Variants in WNT8A observed in about 807,000 individuals in gnomAD.
The protein encoded by WNT8A is Wnt family member 8A.
In WNT8A, 14 loss-of-function variants were observed where a neutral mutation model predicts 20.5. The observed-to-expected ratio is 0.68, with a 90% CI of 0.45 to 1.07. WNT8A has a LOEUF of 1.07. Among genes scored for constraint, WNT8A ranks in the 50% least tolerant of loss-of-function variants. WNT8A has a pLI of 0.00. For missense variants in WNT8A, 397 were observed against 462.9 expected (o/e 0.86, Z 1.31); for synonymous variants, 167 against 169.2 (o/e 0.99, Z 0.10).
Position 138,084,215 on chromosome 5 carries a change from A to C in WNT8A, c.88A>C (p.Ile30Leu). ...CQGGPHCLIP[I>L]HLCLTFSLFG... ...AGGAGGCCCCCATTGTCTCATCCCC[A>C]TTCACCTCTGCCTCACTTTTTCTCT... is the stretch of plus-strand genomic sequence containing the variant. The change falls in exon 1 of 5, where the codon ATT (isoleucine) becomes CTT (leucine). Residue 30 changes from isoleucine to leucine, a missense_variant. Coordinates refer to ENST00000506684, the MANE Select transcript of WNT8A (RefSeq NM_001300939.2). The C allele has an allele frequency of 6.2e-7, 1 of 1,614,024 alleles. No homozygotes were observed. The highest frequency in any genetic ancestry group is 2.2e-5 in the East Asian group (1 of 44,880).
At chr5:138,083,054 G>A (rs1169483448), upstream of WNT8A, among the ~76,000 whole-genome samples, 1 of 152,002 alleles carries the variant, frequency 6.6e-6, no homozygotes, top group Non-Finnish European at 1.5e-5. Flanking sequence ...GGCCAAGGTG[G>A]GCAGATCACT....
upstream of WNT8A, among the ~76,000 whole-genome samples, chr5:138,081,212 C>A (rs1337317586): frequency 8.9e-6 from 1 of 112,732 alleles, no homozygotes. Context: ...GGCGACAGAG[C>A]GAGACTCTGT....
At chr5:138,087,991 A>C (rs1750727608) in intron 3 of WNT8A, 60 bp downstream of exon 3, 1 of 1,598,310 alleles carries the variant, frequency 6.3e-7, no homozygotes, top group Non-Finnish European at 8.5e-7. Flanking sequence ...CTGAGTGCAG[A>C]CTAAAGTCTT....
upstream of WNT8A, among the ~76,000 whole-genome samples, chr5:138,083,384 T>G (rs1404159741): frequency 6.6e-6 from 1 of 152,114 alleles, no homozygotes; most frequent in Non-Finnish European, 1.5e-5. Flanking sequence ...TAACTGGAGT[T>G]GTAACCCTCA....
chr5:138,077,957 G>A, the WNT8A span, among the ~76,000 whole-genome samples: 1 of 152,080 alleles, frequency 6.6e-6, no homozygotes, highest in Non-Finnish European at 1.5e-5. Context: ...GTCCTCACAG[G>A]CCCATGCATC....
chr5:138,091,348 G>C lies in WNT8A; in HGVS notation c.*275G>C. 6.9e-7 allele frequency: 1 copy of C among 1,443,502 alleles called. No homozygotes were observed. The highest frequency in any genetic ancestry group is 9.2e-7 in the Non-Finnish European group (1 of 1,082,014). 89.4% of individuals were successfully genotyped at this position (1,443,502 alleles called of 1,614,324 possible). ...CCATCTTTGTGCCTGTACTTATGCAGCTTTCTACAGGGAGAGTTTGGTTTG... is the reference window on the plus strand; with the variant it reads ...CCATCTTTGTGCCTGTACTTATGCACCTTTCTACAGGGAGAGTTTGGTTTG... On this transcript the variant is annotated 3_prime_UTR_variant, in exon 5 of 5. Coordinates refer to ENST00000506684, the MANE Select transcript of WNT8A (RefSeq NM_001300939.2).
chr5:138,091,841 A>AG (rs1750867260), downstream of WNT8A, among the ~76,000 whole-genome samples: 6 of 42,904 alleles, frequency 1.4e-4, no homozygotes, highest in Non-Finnish European at 1.8e-4. Context: ...ATAAATAAAT[A>AG]AATAAATAAA....
At chr5:138,085,939 T>C (rs1750648587) in intron 2 of WNT8A, among the ~76,000 whole-genome samples, 1 of 147,460 alleles carries the variant, frequency 6.8e-6, no homozygotes, top group African/African-American at 2.5e-5. Flanking sequence ...TATGTAGAAA[T>C]AAAATGTGAC....
chr5:138,080,444 G>GTTTTTTTTTTTTTTTT (rs371833243), upstream of WNT8A, among the ~76,000 whole-genome samples: 3 of 55,974 alleles, frequency 5.4e-5, no homozygotes, highest in Non-Finnish European at 9.7e-5. Flanking sequence ...TGTAAATCTT[G>GTTTTTTTTTTTTTTTT]TTTTTTTTTT....
Position 138,091,164 on chromosome 5 carries a change from A to G in WNT8A, c.*91A>G. On this transcript the variant is annotated 3_prime_UTR_variant, in exon 5 of 5. Coordinates refer to ENST00000506684, the MANE Select transcript of WNT8A (RefSeq NM_001300939.2). ...AGAGAACAGATTGGAAAGCAATCGG[A>G]AAATTGCAGTTTTGGTCTGTAGTCC... 6.5e-7 allele frequency: 1 copy of G among 1,540,644 alleles called. No homozygotes were observed. Among genetic ancestry groups the G allele is most frequent in the Non-Finnish European group, 8.7e-7 (1 of 1,152,972 alleles).
Position 138,091,027 on chromosome 5 carries a change from C to T in WNT8A, c.1064C>T (p.Ala355Val). The T allele has an allele frequency of 1.9e-6, 3 of 1,613,936 alleles. No individual in the cohort carries two copies. Among genetic ancestry groups the T allele is most frequent in the Non-Finnish European group, 1.7e-6 (2 of 1,179,944 alleles). ...CRHVVSKYYCARSPGSAQSLG... is the reference protein window; with the variant it reads ...CRHVVSKYYCVRSPGSAQSLG... ...CATGTGGTGAGCAAGTATTACTGCG[C>T]ACGCTCCCCAGGCAGTGCCCAGTCC... Residue 355 changes from alanine (A) to valine (V), a missense_variant, in exon 5 of 5, where the codon GCA becomes GTA. Transcript: ENST00000506684.
chr5:138,080,618 A>T (rs1456998647), upstream of WNT8A, among the ~76,000 whole-genome samples: 2 of 151,002 alleles, frequency 1.3e-5, no homozygotes, highest in Non-Finnish European at 3.0e-5. Flanking sequence ...CTTTTTTTTT[A>T]GAGACAGGGT....
chr5:138,089,632 G>T (rs561352901), intron 4 of WNT8A, among the ~76,000 whole-genome samples: 2 of 152,268 alleles, frequency 1.3e-5, no homozygotes, highest in Non-Finnish European at 2.9e-5. Context: ...AGATATCCTG[G>T]TTGCCCAGGG....
chr5:138,091,925 C>T (rs1182034488), downstream of WNT8A, among the ~76,000 whole-genome samples: 2 of 89,908 alleles, frequency 2.2e-5, no homozygotes, highest in Admixed American at 1.2e-4. Flanking sequence ...CTGGGGAAAC[C>T]AGCACCCAGT....
chr5:138,084,480 C>G lies in WNT8A; in HGVS notation c.157-18C>G, dbSNP rs760448176. On this transcript the variant is annotated intron_variant, in intron 1 of 4. Coordinates refer to ENST00000506684, the MANE Select transcript of WNT8A (RefSeq NM_001300939.2). ...ACCCATACCGGGCAGAAGCTCACAG[C>G]CCTTTTCCCTTTGCCAGGCCTATCT... 1 of 1,588,392 alleles carries G rather than the reference C, an allele frequency of 6.3e-7. No individual in the cohort carries two copies. The highest frequency in any genetic ancestry group is 1.1e-5 in the South Asian group (1 of 86,974).
intron 3 of WNT8A, among the ~76,000 whole-genome samples, chr5:138,088,482 G>A (rs1175563204): frequency 4.6e-5 from 7 of 151,066 alleles, no homozygotes; most frequent in African/African-American, 1.2e-4. Flanking sequence ...TCAGCCTCCC[G>A]AGTAGCTGGG....
At position 138,090,917 on chromosome 5, in the gene WNT8A, G is replaced by T. The variant is rs765965616; in HGVS notation, c.954G>T (p.Gln318His). 5 of 1,614,114 alleles carry T rather than the reference G, an allele frequency of 3.1e-6. No individual in the cohort carries two copies. The highest frequency in any genetic ancestry group is 4.2e-6 in the Non-Finnish European group (5 of 1,180,040). ...GCCTGTGCACTGAGTGTGGGCTGCAGGTGGAAGAGAGGAAAACTGAGGTCA... is the reference window on the plus strand; with the variant it reads ...GCCTGTGCACTGAGTGTGGGCTGCATGTGGAAGAGAGGAAAACTGAGGTCA... ...CGRLCTECGL[Q>H]VEERKTEVIS... The change falls in exon 5 of 5, where the codon CAG becomes CAT. Residue 318 changes from glutamine to histidine, a missense_variant. Coordinates refer to ENST00000506684, the MANE Select transcript of WNT8A (RefSeq NM_001300939.2).
At position 138,090,957 on chromosome 5, in the gene WNT8A, T is replaced by G; in HGVS notation, c.994T>G (p.Cys332Gly). Reference sequence around the variant, plus strand: ...AACTGAGGTCATAAGCAGCTGTAACTGCAAATTCCAGTGGTGCTGTACGGT... The same window carrying G: ...AACTGAGGTCATAAGCAGCTGTAACGGCAAATTCCAGTGGTGCTGTACGGT... ...RKTEVISSCN[C>G]KFQWCCTVKC... Residue 332 changes from cysteine to glycine, a missense_variant, in exon 5 of 5, where the codon TGC becomes GGC. Transcript: ENST00000506684. 6.2e-7 allele frequency: 1 copy of G among 1,614,156 alleles called. No homozygotes were observed.
chr5:138,085,556 G>C (rs1039023236), intron 2 of WNT8A, among the ~76,000 whole-genome samples: 2 of 152,108 alleles, frequency 1.3e-5, no homozygotes, highest in African/African-American at 4.8e-5. Flanking sequence ...AAAGAAGACG[G>C]AGAAAGTGGC....
Sources: gnomAD v4.1 joint callset for allele counts (sites outside exome capture counted in the v4.1 genomes callset) on GRCh38, gnomAD v4.1.1 for gene constraint, MANE v1.5 for transcripts, NCBI Gene and HGNC (gene_info 2026-07-23, HGNC 2026-07-21) for gene names.